Variants in GRXCR1 observed in about 807,000 individuals in gnomAD.
The protein encoded by GRXCR1 is glutaredoxin and cysteine rich domain containing 1, also known as glutaredoxin domain-containing cysteine-rich protein 1.
Under a neutral mutation model 27.3 loss-of-function variants are expected in GRXCR1, and 27 were observed. The ratio of observed to expected loss-of-function variants is 0.99; its 90% CI spans 0.73 to 1.37. GRXCR1 has a LOEUF of 1.37. Ranked by LOEUF, GRXCR1 falls within the 40% of genes most tolerant of loss-of-function variation. The pLI is 0.00. For synonymous variants in GRXCR1, 122 were observed against 131.1 expected, an observed-to-expected ratio of 0.93 and a Z score of 0.47; for missense variants, 379 against 354.4, an observed-to-expected ratio of 1.07 and a Z score of -0.56.
chr4:42,909,307 C>A (rs1746665655), intron 1 of GRXCR1, among the ~76,000 whole-genome samples: 1 of 152,072 alleles, frequency 6.6e-6, no homozygotes, highest in Non-Finnish European at 1.5e-5. Context: ...GCCTTGGTGG[C>A]AGTTTTATAT....
At chr4:42,925,511 G>A (rs1358015673) in intron 1 of GRXCR1, among the ~76,000 whole-genome samples, 1 of 151,954 alleles carries the variant, frequency 6.6e-6, no homozygotes, top group Non-Finnish European at 1.5e-5. Flanking sequence ...TCAGTTGCCT[G>A]CTCATTTTTT....
chr4:42,896,436 AG>A (rs34554457), intron 1 of GRXCR1, among the ~76,000 whole-genome samples: 40,846 of 151,940 alleles, frequency 0.27, 6,552 homozygotes, highest in Non-Finnish European at 0.36. Context: ...GGAGGCAAAA[AG>A]CAGAAGGCCA....
At chr4:42,943,453 T>G (rs892308460) in intron 1 of GRXCR1, among the ~76,000 whole-genome samples, 1 of 152,026 alleles carries the variant, frequency 6.6e-6, no homozygotes, top group African/African-American at 2.4e-5. Context: ...TAGAAGTACT[T>G]GCTAACGAAT....
At chr4:42,908,362 T>C (rs1204472671) in intron 1 of GRXCR1, among the ~76,000 whole-genome samples, 1 of 152,174 alleles carries the variant, frequency 6.6e-6, no homozygotes, top group African/African-American at 2.4e-5. Flanking sequence ...GAAGCTGCTT[T>C]TAAATACTGT....
At chr4:42,900,443 TAGG>T (rs1228283764) in intron 1 of GRXCR1, among the ~76,000 whole-genome samples, 2 of 152,178 alleles carry the variant, frequency 1.3e-5, no homozygotes, top group African/African-American at 4.8e-5. Context: ...AAGTAAATAA[TAGG>T]AGTATTCCCT....
chr4:42,964,565 C>T (rs1321635966), intron 2 of GRXCR1, among the ~76,000 whole-genome samples: 3 of 152,002 alleles, frequency 2.0e-5, no homozygotes, highest in Non-Finnish European at 4.4e-5. Context: ...GAACAATTAT[C>T]CCTGTTTTGC....
At chr4:42,961,955 A>T (rs1457544561) in intron 1 of GRXCR1, among the ~76,000 whole-genome samples, 1 of 151,862 alleles carries the variant, frequency 6.6e-6, no homozygotes, top group Non-Finnish European at 1.5e-5. Context: ...CTTTGTGAAG[A>T]CTCATGTATC....
At chr4:42,947,687 A>G (rs1747780371) in intron 1 of GRXCR1, among the ~76,000 whole-genome samples, 1 of 152,224 alleles carries the variant, frequency 6.6e-6, no homozygotes, top group Non-Finnish European at 1.5e-5. Context: ...TGACAAACCA[A>G]GCAGAGTCTG....
At position 42,967,271 on chromosome 4, in the gene GRXCR1, A is replaced by G. The variant is rs570146918; in HGVS notation, c.627+4137A>G. ...AATTTTATTTTGCATATGGATGCTC[A>G]GTTGTTCTAGGCCCCTTTGTTGAAA... On this transcript the variant is annotated intron_variant, in intron 2 of 3. Transcript: ENST00000399770. Among the ~76,000 whole-genome samples, 6 of 152,182 alleles carry G rather than the reference A, an allele frequency of 3.9e-5. No individual in the cohort carries two copies. In the South Asian group the frequency reaches 8.3e-4, roughly 21 times the overall value.
At chr4:42,910,775 A>T (rs1746705966) in intron 1 of GRXCR1, among the ~76,000 whole-genome samples, 1 of 152,052 alleles carries the variant, frequency 6.6e-6, no homozygotes, top group African/African-American at 2.4e-5. Context: ...GCACATATAT[A>T]CCAATACAGG....
intron 1 of GRXCR1, among the ~76,000 whole-genome samples, chr4:42,912,564 T>A (rs750525785): frequency 6.6e-6 from 1 of 152,216 alleles, no homozygotes; most frequent in Non-Finnish European, 1.5e-5. Flanking sequence ...AATTTTCATA[T>A]GCCAGGTTTG....
intron 2 of GRXCR1, among the ~76,000 whole-genome samples, chr4:42,973,563 C>T (rs1235829584): frequency 2.0e-5 from 3 of 152,034 alleles, no homozygotes; most frequent in African/African-American, 4.8e-5. Context: ...TTAATGGCCT[C>T]ACAATTCCCC....
chr4:42,904,042 C>T (rs1367747194), intron 1 of GRXCR1, among the ~76,000 whole-genome samples: 2 of 152,174 alleles, frequency 1.3e-5, no homozygotes, highest in East Asian at 1.9e-4. Flanking sequence ...TTGGATCCTC[C>T]ATGTAGGAAT....
chr4:42,982,809 A>C (rs911329539), intron 2 of GRXCR1, among the ~76,000 whole-genome samples: 2 of 150,646 alleles, frequency 1.3e-5, no homozygotes, highest in Non-Finnish European at 3.0e-5. Context: ...ACGGCCAGTG[A>C]TGATGAGCAT....
intron 2 of GRXCR1, among the ~76,000 whole-genome samples, chr4:42,987,816 A>G (rs1385744273): frequency 6.6e-6 from 1 of 152,198 alleles, no homozygotes; most frequent in Non-Finnish European, 1.5e-5. Context: ...ATCAATTTAG[A>G]TCTCTACAAA....
intron 3 of GRXCR1, among the ~76,000 whole-genome samples, chr4:43,027,449 T>C (rs1713292317): frequency 6.6e-6 from 1 of 152,254 alleles, no homozygotes; most frequent in Admixed American, 6.5e-5. Context: ...TTAGTGAATT[T>C]AACATTTGAT....
At chr4:42,987,248 A>ATATAAT (rs370379241) in intron 2 of GRXCR1, among the ~76,000 whole-genome samples, 1 of 67,564 alleles carries the variant, frequency 1.5e-5, no homozygotes, top group Non-Finnish European at 3.0e-5. Flanking sequence ...TATAATATAT[A>ATATAAT]ATATATATAT....
At chr4:43,028,090 T>C (rs1432154393) in intron 3 of GRXCR1, among the ~76,000 whole-genome samples, 1 of 150,654 alleles carries the variant, frequency 6.6e-6, no homozygotes, top group East Asian at 2.0e-4. Context: ...CCAGCCTGGG[T>C]AACAGAGTGA....
intron 1 of GRXCR1, among the ~76,000 whole-genome samples, chr4:42,953,400 C>A (rs986947331): frequency 6.6e-6 from 1 of 152,098 alleles, no homozygotes. Flanking sequence ...CACCATGTTA[C>A]AAGAAAGTAC....
Sources: gnomAD v4.1 joint callset for allele counts (sites outside exome capture counted in the v4.1 genomes callset) on GRCh38, gnomAD v4.1.1 for gene constraint, MANE v1.5 for transcripts, NCBI Gene and HGNC (gene_info 2026-07-23, HGNC 2026-07-21) for gene names.